DCC: variants seen among roughly 807,000 people sequenced by gnomAD.
DCC encodes the protein DCC netrin 1 receptor.
DCC carries 58 observed loss-of-function variants against 172.5 expected under a neutral mutation model. That is an observed-to-expected ratio of 0.34 (90% CI 0.27 to 0.42). The LOEUF is 0.42. Among genes scored for constraint, DCC ranks in the 10% least tolerant of loss-of-function variants. The pLI is 1.00. For missense variants in DCC, 1,740 were observed against 1,791.0 expected (o/e 0.97, Z 0.51); for synonymous variants, 709 against 644.5 (o/e 1.10, Z -1.52).
intron 1 of DCC, among the ~76,000 whole-genome samples, chr18:52,538,897 G>A (rs1425823232): frequency 2.0e-5 from 3 of 152,210 alleles, no homozygotes; most frequent in Non-Finnish European, 2.9e-5. Context: ...TGTATGAAAT[G>A]AATAAATAAA....
chr18:52,868,109 T>TTG (rs2039259555), intron 2 of DCC, among the ~76,000 whole-genome samples: 1 of 150,694 alleles, frequency 6.6e-6, no homozygotes. Flanking sequence ...ATGTGTATAT[T>TTG]TGTATATATA....
chr18:52,350,819 A>G (rs1203955357), intron 1 of DCC, among the ~76,000 whole-genome samples: 1 of 152,180 alleles, frequency 6.6e-6, no homozygotes, highest in East Asian at 1.9e-4. Flanking sequence ...TGTGGTAAGA[A>G]TGAGGATATT....
chr18:53,431,573 T>C (rs897376466), intron 21 of DCC, among the ~76,000 whole-genome samples: 2 of 151,958 alleles, frequency 1.3e-5, no homozygotes, highest in Non-Finnish European at 2.9e-5. Flanking sequence ...CTGCAACCTC[T>C]ACCTCCTGGG....
intron 22 of DCC, among the ~76,000 whole-genome samples, chr18:53,445,223 G>A (rs1954529457): frequency 6.6e-6 from 1 of 152,236 alleles, no homozygotes; most frequent in Admixed American, 6.5e-5. Flanking sequence ...AACGATCAAG[G>A]CCGTATGAAC....
At chr18:52,764,436 T>C (rs1366585730) in intron 2 of DCC, among the ~76,000 whole-genome samples, 2 of 152,172 alleles carry the variant, frequency 1.3e-5, no homozygotes, top group East Asian at 3.8e-4. Context: ...ATGGGAGGTG[T>C]TTGTGTTATG....
intron 1 of DCC, among the ~76,000 whole-genome samples, chr18:52,469,766 A>C (rs1221976): frequency 0.26 from 39,243 of 152,056 alleles, 6,053 homozygotes; most frequent in Non-Finnish European, 0.34. Flanking sequence ...TTTGTTCCAT[A>C]TAGTGATTTA....
intron 7 of DCC, among the ~76,000 whole-genome samples, chr18:53,066,425 G>GTA (rs147709000): frequency 0.052 from 6,996 of 133,640 alleles, 450 homozygotes; most frequent in African/African-American, 0.15. Flanking sequence ...GTGTGTTTGT[G>GTA]TATATATATA....
intron 2 of DCC, among the ~76,000 whole-genome samples, chr18:52,834,175 T>C (rs1204080477): frequency 6.6e-6 from 1 of 151,798 alleles, no homozygotes; most frequent in Non-Finnish European, 1.5e-5. Context: ...CTTCTCTTTA[T>C]AGCAGTTGGA....
rs536160910 is a variant in DCC at position 53,352,033 on chromosome 18, A to G, written c.2359+12126A>G. 2.6e-5 allele frequency among the ~76,000 whole-genome samples: 4 copies of G among 152,198 alleles called. No homozygotes were observed. The East Asian group carries it at 7.7e-4, about 29-fold the overall frequency. On this transcript the variant is annotated intron_variant, in intron 15 of 28. Coordinates refer to ENST00000442544, the MANE Select transcript of DCC (RefSeq NM_005215.4). Reference sequence around the variant, plus strand: ...CAGTAAAGACTTGACTCATTAGTATAAAGAAAGGAGCCTGGTATCAAATCA... The same window carrying G: ...CAGTAAAGACTTGACTCATTAGTATGAAGAAAGGAGCCTGGTATCAAATCA...
rs200213348 is a variant in DCC at position 53,099,939 on chromosome 18, C to CTTTTTTTTTTT, written c.1261+33776_1261+33777insTTTTTTTTTTT. Among the ~76,000 whole-genome samples the CTTTTTTTTTTT allele has an allele frequency of 2.2e-3, 191 of 87,114 alleles. 30 individuals carry two copies. Among genetic ancestry groups the CTTTTTTTTTTT allele is most frequent in the African/African-American group, 8.7e-3 (163 of 18,790 alleles). 57.2% of individuals were successfully genotyped at this position (87,114 alleles called of 152,430 possible). ...AAGAGACTTTTCTTTTCTTTTCTTT[C>CTTTTTTTTTTT]TTTCTTTTTTTTTTTTTTTTTGTTT... is the stretch of plus-strand genomic sequence containing the variant. On this transcript the variant is annotated intron_variant, in intron 7 of 28. Coordinates refer to ENST00000442544, the MANE Select transcript of DCC (RefSeq NM_005215.4).
intron 5 of DCC, among the ~76,000 whole-genome samples, chr18:53,007,513 C>A (rs1414752241): frequency 1.3e-5 from 2 of 152,032 alleles, no homozygotes; most frequent in African/African-American, 4.8e-5. Context: ...AATTTGGAAT[C>A]ACAGTGAACA....
At chr18:52,719,529 T>C (rs1192104591) in intron 1 of DCC, among the ~76,000 whole-genome samples, 2 of 151,156 alleles carry the variant, frequency 1.3e-5, no homozygotes, top group African/African-American at 2.4e-5. Flanking sequence ...GTACTGAGTG[T>C]AGAGCAGCAA....
At chr18:53,327,667 T>C (rs571340692) in intron 14 of DCC, among the ~76,000 whole-genome samples, 1 of 152,142 alleles carries the variant, frequency 6.6e-6, no homozygotes, top group African/African-American at 2.4e-5. Context: ...TCAGCCTTAT[T>C]AACCCAAACT....
intron 9 of DCC, among the ~76,000 whole-genome samples, chr18:53,190,099 T>C (rs2055343900): frequency 6.6e-6 from 1 of 152,066 alleles, no homozygotes; most frequent in African/African-American, 2.4e-5. Flanking sequence ...GCTAATTTTG[T>C]ATATTTAGCA....
chr18:52,499,097 T>A (rs1023904933), intron 1 of DCC, among the ~76,000 whole-genome samples: 5 of 152,220 alleles, frequency 3.3e-5, no homozygotes, highest in Non-Finnish European at 4.4e-5. Flanking sequence ...TGCTTAAATT[T>A]GGCCTTATAC....
intron 2 of DCC, among the ~76,000 whole-genome samples, chr18:52,840,812 G>A (rs970111246): frequency 6.6e-6 from 1 of 152,154 alleles, no homozygotes; most frequent in African/African-American, 2.4e-5. Flanking sequence ...CATCTGCAAT[G>A]TGCCAAACAC....
At chr18:53,345,656 A>T (rs1324297254) in intron 15 of DCC, among the ~76,000 whole-genome samples, 1 of 152,152 alleles carries the variant, frequency 6.6e-6, no homozygotes, top group Non-Finnish European at 1.5e-5. Context: ...TAGTTCAGTC[A>T]GGTGGCAACA....
At chr18:53,182,554 A>G (rs1173967466) in intron 9 of DCC, among the ~76,000 whole-genome samples, 3 of 152,248 alleles carry the variant, frequency 2.0e-5, no homozygotes, top group African/African-American at 4.8e-5. Context: ...TATATTGAGT[A>G]CTACTAAACT....
intron 27 of DCC, among the ~76,000 whole-genome samples, chr18:53,517,556 C>G (rs528758001): frequency 1.3e-4 from 20 of 151,994 alleles, no homozygotes; most frequent in African/African-American, 4.8e-4. Flanking sequence ...CCATTAGTAC[C>G]TTAACCCTCT....
Sources: gnomAD v4.1 joint callset for allele counts (sites outside exome capture counted in the v4.1 genomes callset) on GRCh38, gnomAD v4.1.1 for gene constraint, MANE v1.5 for transcripts, NCBI Gene and HGNC (gene_info 2026-07-23, HGNC 2026-07-21) for gene names.